RGPD5: variants seen among roughly 807,000 people sequenced by gnomAD.
The protein encoded by RGPD5 is RANBP2 like and GRIP domain containing 5, also known as RANBP2-like and GRIP domain-containing protein 5/6.
At chr2:109,763,639 A>G in the RGPD5 span, among the ~76,000 whole-genome samples, 1 of 150,278 alleles carries the variant, frequency 6.7e-6, no homozygotes, top group African/African-American at 2.4e-5. Context: ...AGGAAAGTAT[A>G]CCTGTTAATT....
chr2:109,760,628 C>G, the RGPD5 span, among the ~76,000 whole-genome samples: 2 of 142,930 alleles, frequency 1.4e-5, no homozygotes, highest in Admixed American at 7.1e-5. Flanking sequence ...TGGGATGCAC[C>G]TTGAGCGGCG....
intron 1 of RGPD5, 71 bp downstream of exon 1, chr2:109,794,608 CGGG>C (rs1158712674): frequency 1.0e-4 from 20 of 193,856 alleles, no homozygotes; most frequent in African/African-American, 6.6e-4. Flanking sequence ...GCGGCGGCGG[CGGG>C]GGGGGCGGCG....
Position 109,799,216 on chromosome 2 carries a change from C to T in RGPD5, c.73-2567C>T, listed in dbSNP as rs1445507340. On this transcript the variant is annotated intron_variant, in intron 1 of 22. Coordinates refer to ENST00000016946, the MANE Select transcript of RGPD5 (RefSeq NM_005054.3). ...ATCGAGCCACCGCACTCCAGCCTGG[C>T]GACAGAGCAAGACTCCATCTCAAAA... is the stretch of plus-strand genomic sequence containing the variant. Among the ~76,000 whole-genome samples, 24 of 101,924 alleles carry T rather than the reference C, an allele frequency of 2.4e-4. No homozygotes were observed. In the East Asian group the frequency reaches 2.7e-3, roughly 11 times the overall value. 66.9% of individuals were successfully genotyped at this position (101,924 alleles called of 152,430 possible).
chr2:109,762,438 T>G, the RGPD5 span, among the ~76,000 whole-genome samples: 1 of 149,780 alleles, frequency 6.7e-6, no homozygotes, highest in Admixed American at 6.9e-5. Flanking sequence ...AAGGAAGAAC[T>G]TACTGTTTCG....
chr2:109,766,503 C>T, the RGPD5 span, among the ~76,000 whole-genome samples: 2 of 150,600 alleles, frequency 1.3e-5, no homozygotes, highest in Non-Finnish European at 2.9e-5. Context: ...CCAAATGTAT[C>T]TTGATGACGT....
At chr2:109,761,895 G>A in the RGPD5 span, among the ~76,000 whole-genome samples, 3 of 151,646 alleles carry the variant, frequency 2.0e-5, no homozygotes, top group Admixed American at 2.0e-4. Flanking sequence ...AAAACTGCAT[G>A]TGGTGTGCAC....
At chr2:109,760,640 C>T in the RGPD5 span, among the ~76,000 whole-genome samples, 94 of 141,846 alleles carry the variant, frequency 6.6e-4, no homozygotes, top group African/African-American at 2.1e-3. Context: ...TGAGCGGCGC[C>T]TTTCGTCGCA....
intron 1 of RGPD5, 96 bp downstream of exon 1, chr2:109,794,633 C>T (rs1405101003): frequency 1.2e-6 from 1 of 862,032 alleles, no homozygotes; most frequent in Non-Finnish European, 1.3e-6. Context: ...CGGCGGCCGC[C>T]TCGATGGCTC....
At chr2:109,767,330 G>A in the RGPD5 span, among the ~76,000 whole-genome samples, 2 of 149,426 alleles carry the variant, frequency 1.3e-5, no homozygotes, top group South Asian at 2.2e-4. Flanking sequence ...TTTCTTAGTC[G>A]TGCATCATAG....
intron 1 of RGPD5, chr2:109,794,786 C>T (rs1164592579): frequency 1.4e-4 from 12 of 88,540 alleles, no homozygotes; most frequent in African/African-American, 9.8e-4. Context: ...AGACCGTTGG[C>T]GCCGGCGCTT....
chr2:109,770,424 A>G, the RGPD5 span, among the ~76,000 whole-genome samples: 7 of 89,772 alleles, frequency 7.8e-5, no homozygotes, highest in Non-Finnish European at 1.4e-4. Context: ...ATAGAAGCTC[A>G]GAGCATCCTG....
chr2:109,761,349 C>T, the RGPD5 span, among the ~76,000 whole-genome samples: 1 of 151,370 alleles, frequency 6.6e-6, no homozygotes, highest in Non-Finnish European at 1.5e-5. Flanking sequence ...ATTCCAGAGG[C>T]CTTAGCCCAG....
At chr2:109,777,406 C>A in the RGPD5 span, among the ~76,000 whole-genome samples, 1 of 142,184 alleles carries the variant, frequency 7.0e-6, no homozygotes, top group Non-Finnish European at 1.5e-5. Context: ...ATATGTTGAA[C>A]CAACCTTGCA....
At chr2:109,794,580 CGGGGGG>C (rs1676850924) in intron 1 of RGPD5, 43 bp downstream of exon 1, 1 of 899,514 alleles carries the variant, frequency 1.1e-6, no homozygotes. Context: ...TCGACCCGGC[CGGGGGG>C]CGGCGGCGGC....
chr2:109,763,699 T>G, the RGPD5 span, among the ~76,000 whole-genome samples: 2 of 150,554 alleles, frequency 1.3e-5, no homozygotes. Flanking sequence ...ATTGAAAGCT[T>G]CTTCCTTTGA....
chr2:109,794,612 G>T (rs952789008), intron 1 of RGPD5, 75 bp downstream of exon 1: 2 of 744,448 alleles, frequency 2.7e-6, no homozygotes, highest in Non-Finnish European at 3.2e-6. Context: ...CGGCGGCGGG[G>T]GGGGCGGCGG....
the RGPD5 span, among the ~76,000 whole-genome samples, chr2:109,778,356 C>A: frequency 1.4e-5 from 2 of 146,210 alleles, 1 homozygote; most frequent in Non-Finnish European, 3.0e-5. Context: ...GTTTAAATGG[C>A]ATAACAGATA....
chr2:109,764,815 T>C, the RGPD5 span, among the ~76,000 whole-genome samples: 1 of 122,880 alleles, frequency 8.1e-6, no homozygotes, highest in Non-Finnish European at 1.6e-5. Flanking sequence ...CTCTAAAAGA[T>C]CATTTTATGC....
the RGPD5 span, among the ~76,000 whole-genome samples, chr2:109,774,445 G>A: frequency 8.7e-4 from 10 of 11,538 alleles, no homozygotes; most frequent in African/African-American, 6.4e-3. Context: ...AGCCTAGATT[G>A]CGCCATTGCA....
Sources: allele counts gnomAD v4.1 joint callset (sites outside exome capture counted in the v4.1 genomes callset), GRCh38; gene constraint gnomAD v4.1.1; transcripts MANE v1.5; gene names NCBI Gene and HGNC (gene_info 2026-07-23, HGNC 2026-07-21).